The following EYS variants were observed in gnomAD, a reference collection of about 807,000 sequenced individuals.
The protein encoded by EYS is protein eyes shut homolog.
A neutral mutation model predicts 282.1 loss-of-function variants in EYS; 250 were observed. That is an observed-to-expected ratio of 0.89 (90% CI 0.80 to 0.98). The LOEUF (loss-of-function observed/expected upper bound fraction) is 0.98, where lower values mean the gene tolerates loss of function less well. EYS is among the 50% of genes least tolerant of loss of function. The pLI is 0.00. For missense variants in EYS, 4,016 were observed against 3,709.0 expected (o/e 1.08, Z -2.15); for synonymous variants, 1,355 against 1,282.9 (o/e 1.06, Z -1.20).
chr6:64,817,163 G>T (rs1045816978), intron 21 of EYS, among the ~76,000 whole-genome samples: 16 of 151,898 alleles, frequency 1.1e-4, no homozygotes, highest in African/African-American at 3.6e-4. Context: ...GAGGGAGATG[G>T]ACTCCAACTC....
chr6:64,665,207 T>C (rs926401776), intron 22 of EYS, among the ~76,000 whole-genome samples: 2 of 152,226 alleles, frequency 1.3e-5, no homozygotes, highest in African/African-American at 4.8e-5. Flanking sequence ...TTTTTAATAA[T>C]TAGTAAATTC....
chr6:63,941,472 T>TA (rs1384607821), intron 35 of EYS, among the ~76,000 whole-genome samples: 3 of 152,212 alleles, frequency 2.0e-5, no homozygotes, highest in African/African-American at 7.2e-5. Context: ...GTTGGCTGCA[T>TA]AAATGTCTTC....
intron 7 of EYS, among the ~76,000 whole-genome samples, chr6:65,400,047 G>A (rs1208600120): frequency 2.0e-5 from 3 of 151,964 alleles, no homozygotes; most frequent in Non-Finnish European, 2.9e-5. Flanking sequence ...AATGGTTCAA[G>A]TATCAACATG....
At chr6:65,117,567 C>T (rs973752854) in intron 12 of EYS, among the ~76,000 whole-genome samples, 4 of 152,110 alleles carry the variant, frequency 2.6e-5, no homozygotes, top group Admixed American at 2.0e-4. Context: ...CTCACATGAA[C>T]CACAGCAGGA....
At chr6:64,446,190 C>G (rs1443313095) in intron 26 of EYS, among the ~76,000 whole-genome samples, 2 of 152,082 alleles carry the variant, frequency 1.3e-5, no homozygotes, top group African/African-American at 2.4e-5. Flanking sequence ...TTGCTAGTTG[C>G]CAGCTTTTAT....
intron 35 of EYS, among the ~76,000 whole-genome samples, chr6:63,878,592 A>T (rs1419521962): frequency 6.6e-6 from 1 of 152,206 alleles, no homozygotes; most frequent in East Asian, 1.9e-4. Context: ...CTACAGAAGC[A>T]GGCAGGCCTC....
intron 8 of EYS, among the ~76,000 whole-genome samples, chr6:65,380,607 C>T (rs1035768481): frequency 5.3e-5 from 8 of 151,986 alleles, no homozygotes; most frequent in African/African-American, 1.9e-4. Flanking sequence ...CAACAAAAGC[C>T]AAAATTGACA....
intron 13 of EYS, among the ~76,000 whole-genome samples, chr6:65,006,960 A>G (rs1489552987): frequency 6.6e-6 from 1 of 152,224 alleles, no homozygotes; most frequent in East Asian, 1.9e-4. Flanking sequence ...ACAAGAATGC[A>G]TCTTGATGGG....
At chr6:64,197,056 C>G (rs1386214396) in intron 31 of EYS, among the ~76,000 whole-genome samples, 1 of 151,410 alleles carries the variant, frequency 6.6e-6, no homozygotes, top group Non-Finnish European at 1.5e-5. Flanking sequence ...AAAGTAATTT[C>G]CAAAGATAAT....
intron 36 of EYS, among the ~76,000 whole-genome samples, chr6:63,809,279 A>G (rs754964469): frequency 1.1e-4 from 17 of 152,280 alleles, no homozygotes; most frequent in Non-Finnish European, 1.5e-4. Context: ...AACCTTACAA[A>G]TCATTCTTTT....
rs182780299 is a variant in EYS at position 65,402,464 on chromosome 6, A to G, written c.1184+14T>C. 1.5e-3 allele frequency: 2,123 copies of G among 1,459,924 alleles called. 10 individuals are homozygous for G. The highest frequency in any genetic ancestry group is 4.1e-3 in the Middle Eastern group (23 of 5,640). The allele number at this position is 1,459,924 out of a possible 1,614,324, so 90.4% of individuals were successfully genotyped here. ...TGTACTTTGTATTAAAAATAAACAG[A>G]AAATTAATTATACCTGCAAGGATAA... On this transcript the variant is annotated intron_variant, in intron 7 of 42. Transcript: ENST00000503581.
intron 31 of EYS, among the ~76,000 whole-genome samples, chr6:64,119,559 T>G (rs1773503196): frequency 6.6e-6 from 1 of 152,246 alleles, no homozygotes; most frequent in African/African-American, 2.4e-5. Flanking sequence ...TGAGTAAGGT[T>G]TTATCAATTC....
chr6:64,192,303 T>A (rs1340023746), intron 31 of EYS, among the ~76,000 whole-genome samples: 1 of 152,142 alleles, frequency 6.6e-6, no homozygotes, highest in African/African-American at 2.4e-5. Flanking sequence ...GATGGTAGTT[T>A]CTTTTGCTGT....
chr6:64,925,095 T>G (rs539407393), intron 15 of EYS, among the ~76,000 whole-genome samples: 1 of 152,230 alleles, frequency 6.6e-6, no homozygotes, highest in South Asian at 2.1e-4. Flanking sequence ...TTAATTGGAT[T>G]TATAGTTCTA....
chr6:63,778,485 ATAT>A (rs1582197946), intron 39 of EYS, among the ~76,000 whole-genome samples: 2 of 152,150 alleles, frequency 1.3e-5, no homozygotes, highest in East Asian at 1.9e-4. Context: ...AGAAAATATA[ATAT>A]TATACCAAAA....
At chr6:64,027,574 C>G (rs1769589360) in intron 33 of EYS, among the ~76,000 whole-genome samples, 1 of 152,158 alleles carries the variant, frequency 6.6e-6, no homozygotes, top group East Asian at 1.9e-4. Flanking sequence ...AGTCATGGCC[C>G]TCAGACAAAC....
intron 12 of EYS, among the ~76,000 whole-genome samples, chr6:65,236,030 A>G (rs1328560528): frequency 3.3e-5 from 5 of 152,032 alleles, no homozygotes; most frequent in African/African-American, 4.8e-5. Context: ...TTTTTGAATT[A>G]TGTGCACCTC....
At chr6:64,683,283 T>C (rs1286951841) in intron 22 of EYS, among the ~76,000 whole-genome samples, 1 of 152,210 alleles carries the variant, frequency 6.6e-6, no homozygotes. Context: ...ATAAATGTTT[T>C]AGCCATTTCT....
At chr6:64,397,716 CTT>C (rs956572047) in intron 28 of EYS, among the ~76,000 whole-genome samples, 1 of 151,912 alleles carries the variant, frequency 6.6e-6, no homozygotes, top group African/African-American at 2.4e-5. Flanking sequence ...AAAGAACACA[CTT>C]TTGGCACTGT....
Sources: gnomAD v4.1 joint callset for allele counts (sites outside exome capture counted in the v4.1 genomes callset) on GRCh38, gnomAD v4.1.1 for gene constraint, MANE v1.5 for transcripts, NCBI Gene and HGNC (gene_info 2026-07-23, HGNC 2026-07-21) for gene names.